MRPS5: variants seen among roughly 807,000 people sequenced by gnomAD.
MRPS5 encodes the protein mitochondrial ribosomal protein S5.
Under a neutral mutation model 51.9 loss-of-function variants are expected in MRPS5, and 27 were observed. The observed-to-expected ratio is 0.52, with a 90% CI of 0.38 to 0.72. The LOEUF is 0.72. Among genes scored for constraint, MRPS5 ranks in the 30% least tolerant of loss-of-function variants. MRPS5 has a pLI of 0.00. For missense variants in MRPS5, 570 were observed against 545.7 expected, an observed-to-expected ratio of 1.04 and a Z score of -0.44; for synonymous variants, 196 against 193.2, an observed-to-expected ratio of 1.01 and a Z score of -0.12.
At chr2:95,093,941 T>C (rs1275780901) in intron 10 of MRPS5, among the ~76,000 whole-genome samples, 1 of 152,158 alleles carries the variant, frequency 6.6e-6, no homozygotes, top group Non-Finnish European at 1.5e-5. Flanking sequence ...TTCTCCAAGT[T>C]AAAGGAGAAT....
intron 2 of MRPS5, among the ~76,000 whole-genome samples, chr2:95,117,031 C>T (rs1558688019): frequency 2.0e-5 from 3 of 152,068 alleles, no homozygotes; most frequent in East Asian, 1.9e-4. Flanking sequence ...GTCCCAGCTA[C>T]TCGAGAGGCT....
chr2:95,093,242 GC>G (rs1425747233), intron 10 of MRPS5: 2 of 150,222 alleles, frequency 1.3e-5, no homozygotes, highest in Non-Finnish European at 3.0e-5. Context: ...GCTCAATGAG[GC>G]CCACCTGCCT....
intron 1 of MRPS5, among the ~76,000 whole-genome samples, 169 bp downstream of exon 1, chr2:95,121,565 A>C (rs1281227113): frequency 1.3e-5 from 2 of 152,186 alleles, no homozygotes; most frequent in South Asian, 2.1e-4. Flanking sequence ...AGAGAGGGAG[A>C]GGACGCGCGC....
chr2:95,121,496 G>A (rs1676447377), intron 1 of MRPS5, among the ~76,000 whole-genome samples: 2 of 152,344 alleles, frequency 1.3e-5, no homozygotes, highest in East Asian at 3.9e-4. Flanking sequence ...GAACTGGGAA[G>A]AACCCTGAAG....
chr2:95,108,108 T>C, intron 5 of MRPS5, 67 bp downstream of exon 5: 2 of 1,417,234 alleles, frequency 1.4e-6, no homozygotes, highest in South Asian at 1.2e-5. Context: ...AATAACACCA[T>C]TTCAAGGAAA....
At chr2:95,097,377 GC>G (rs750368941) in intron 10 of MRPS5, among the ~76,000 whole-genome samples, 2 of 152,152 alleles carry the variant, frequency 1.3e-5, no homozygotes, top group Non-Finnish European at 2.9e-5. Flanking sequence ...CCAAAAAAGA[GC>G]CCGCATTGCC....
intron 10 of MRPS5, among the ~76,000 whole-genome samples, chr2:95,099,075 C>T (rs573520689): frequency 7.9e-5 from 12 of 151,616 alleles, no homozygotes; most frequent in East Asian, 3.9e-4. Context: ...CCTGCCACTG[C>T]GCCCAGCTAA....
chr2:95,104,846 G>A, intron 6 of MRPS5, 116 bp from the exon 7 acceptor site: 1 of 800,674 alleles, frequency 1.2e-6, no homozygotes, highest in South Asian at 1.7e-5. Flanking sequence ...CAGAGAACAG[G>A]CACACCATCC....
Position 95,090,411 on chromosome 2 carries a change from C to T in MRPS5, c.1043G>A (p.Gly348Asp). Residue 348 changes from glycine to aspartate, a missense_variant, in exon 11 of 12, where the codon GGC becomes GAC. Coordinates refer to ENST00000272418, the MANE Select transcript of MRPS5 (RefSeq NM_031902.5). ...GSINMLSLTQ[G>D]LFRGLSRQET... ...CTGTCTGGAGAGCCCACGGAAGAGG[C>T]CCTGGGTGAGGCTGAGCATATTAAT... is the stretch of plus-strand genomic sequence containing the variant. 3 of 1,613,894 alleles carry T rather than the reference C, an allele frequency of 1.9e-6. No homozygotes were observed. Among genetic ancestry groups the T allele is most frequent in the Non-Finnish European group, 1.7e-6 (2 of 1,179,992 alleles).
At chr2:95,118,034 A>G in intron 1 of MRPS5, 89 bp from the exon 2 acceptor site, 1 of 979,480 alleles carries the variant, frequency 1.0e-6, no homozygotes, top group South Asian at 1.6e-5. Context: ...TATCTATAGA[A>G]TAAAGAACCA....
chr2:95,090,176 CAAA>C (rs35901146), intron 11 of MRPS5, among the ~76,000 whole-genome samples: 3 of 43,528 alleles, frequency 6.9e-5, no homozygotes, highest in South Asian at 1.8e-3. Flanking sequence ...GACTCCGTCT[CAAA>C]AAAAAAAAAA....
Position 95,087,366 on chromosome 2 carries a change from G to A in MRPS5, c.1284C>T (p.Ala428=), listed in dbSNP as rs369979607. The change falls in exon 12 of 12, where the codon GCC becomes GCT. Residue 428 remains alanine, a synonymous_variant. Coordinates refer to ENST00000272418, the MANE Select transcript of MRPS5 (RefSeq NM_031902.5). ...KRSVWSNLKR[A]AT is the part of the protein sequence containing the mutation. ...CACAAGGCCAGAGAGGTTACGTGGC[G>A]GCTCTCTTCAAATTAGACCACACAG... The A allele has an allele frequency of 8.1e-5, 130 of 1,613,814 alleles. No individual in the cohort carries two copies. The African/African-American group carries it at 9.3e-4, about 12-fold the overall frequency.
chr2:95,117,998 T>C, intron 1 of MRPS5, 53 bp from the exon 2 acceptor site: 1 of 1,343,396 alleles, frequency 7.4e-7, no homozygotes, highest in Non-Finnish European at 1.0e-6. Context: ...TAAAGGAACA[T>C]TTTAAACAGT....
chr2:95,100,688 C>G (rs1313789630), intron 9 of MRPS5, 149 bp downstream of exon 9: 14 of 884,794 alleles, frequency 1.6e-5, no homozygotes, highest in Non-Finnish European at 1.2e-5. Flanking sequence ...TTTTAGTAAC[C>G]TTCTTAGGAG....
chr2:95,088,650 TC>T (rs1423043529), intron 11 of MRPS5, among the ~76,000 whole-genome samples: 1 of 152,264 alleles, frequency 6.6e-6, no homozygotes, highest in Non-Finnish European at 1.5e-5. Context: ...TGGCATCTTT[TC>T]CTTTTTGAGT....
At chr2:95,114,932 A>G in intron 3 of MRPS5, 134 bp downstream of exon 3, 1 of 795,710 alleles carries the variant, frequency 1.3e-6, no homozygotes, top group Non-Finnish European at 1.8e-6. Context: ...TACATCAAGG[A>G]ACATTTTCAT....
chr2:95,101,572 G>A, intron 8 of MRPS5, 105 bp downstream of exon 8: 2 of 861,646 alleles, frequency 2.3e-6, no homozygotes, highest in Non-Finnish European at 3.5e-6. Flanking sequence ...AGCCTCATGG[G>A]AAGGTTCTGG....
intron 10 of MRPS5, among the ~76,000 whole-genome samples, chr2:95,098,629 C>G (rs916930345): frequency 2.6e-5 from 4 of 152,004 alleles, no homozygotes; most frequent in African/African-American, 9.7e-5. Context: ...TAGGTGGGAA[C>G]TGAACAATGA....
intron 6 of MRPS5, among the ~76,000 whole-genome samples, chr2:95,106,019 A>T (rs982689203): frequency 6.6e-6 from 1 of 152,180 alleles, no homozygotes; most frequent in Non-Finnish European, 1.5e-5. Context: ...AGAACCAGAC[A>T]GGCACCACAA....
Sources: allele counts gnomAD v4.1 joint callset (sites outside exome capture counted in the v4.1 genomes callset), GRCh38; gene constraint gnomAD v4.1.1; transcripts MANE v1.5; gene names NCBI Gene and HGNC (gene_info 2026-07-23, HGNC 2026-07-21).